The following QTGAL variants were observed in gnomAD, a reference collection of about 807,000 sequenced individuals.
QTGAL encodes BGnT-like protein 1.
At chr17:83,007,639 C>T in the QTGAL span, among the ~76,000 whole-genome samples, 2 of 152,148 alleles carry the variant, frequency 1.3e-5, no homozygotes, top group Non-Finnish European at 2.9e-5. Flanking sequence ...GCATGAGAGG[C>T]GCCTCTCGGA....
the QTGAL span, among the ~76,000 whole-genome samples, chr17:82,995,581 G>A: frequency 2.6e-5 from 4 of 152,010 alleles, no homozygotes; most frequent in South Asian, 2.1e-4. Flanking sequence ...ACGGGGTTTC[G>A]CTATGTTAAC....
the QTGAL span, among the ~76,000 whole-genome samples, chr17:82,992,688 T>C: frequency 4.6e-5 from 7 of 150,964 alleles, no homozygotes; most frequent in Non-Finnish European, 1.0e-4. Flanking sequence ...GCTGTAACTG[T>C]GGTGTGTAAA....
chr17:83,020,882 CAGAG>C, the QTGAL span, among the ~76,000 whole-genome samples: 11 of 152,136 alleles, frequency 7.2e-5, no homozygotes, highest in South Asian at 1.7e-3. Context: ...TTGGGGAAGA[CAGAG>C]AGAGAGATCA....
At chr17:82,956,795 C>G in the QTGAL span, 1 of 1,559,688 alleles carries the variant, frequency 6.4e-7, no homozygotes, top group Non-Finnish European at 8.7e-7. This position sits in a 1 kb window ranked among gnomAD's most constrained non-coding sequence, Gnocchi z 5.7. Flanking sequence ...GCCATCAGTC[C>G]TGCCCGAGCC....
chr17:83,040,202 T>G, the QTGAL span, among the ~76,000 whole-genome samples: 1 of 152,194 alleles, frequency 6.6e-6, no homozygotes, highest in Non-Finnish European at 1.5e-5. Flanking sequence ...AGGGTGAGAC[T>G]CAGGCACTGG....
the QTGAL span, among the ~76,000 whole-genome samples, chr17:82,963,615 G>T: frequency 6.6e-6 from 1 of 152,100 alleles, no homozygotes; most frequent in Non-Finnish European, 1.5e-5. Context: ...GATATGCGGG[G>T]AGGTGGCGGA....
the QTGAL span, among the ~76,000 whole-genome samples, chr17:82,975,784 G>A: frequency 2.8e-5 from 3 of 107,450 alleles, no homozygotes; most frequent in African/African-American, 5.1e-5. Context: ...CGAGGGCCCC[G>A]GGACAGAGCC....
At chr17:82,964,464 C>A in the QTGAL span, among the ~76,000 whole-genome samples, 2 of 152,110 alleles carry the variant, frequency 1.3e-5, no homozygotes, top group African/African-American at 4.8e-5. Context: ...ACACAAAAAA[C>A]AATAGACATA....
chr17:82,956,748 G>T, the QTGAL span: 5 of 1,586,832 alleles, frequency 3.2e-6, no homozygotes, highest in Non-Finnish European at 4.3e-6. This position sits in a 1 kb window ranked among gnomAD's most constrained non-coding sequence, Gnocchi z 5.7. Context: ...TGCAGGATGG[G>T]GATTCGGGGC....
At chr17:83,041,678 C>T in the QTGAL span, among the ~76,000 whole-genome samples, 1 of 152,192 alleles carries the variant, frequency 6.6e-6, no homozygotes, top group Non-Finnish European at 1.5e-5. Flanking sequence ...GCTTGGGGGC[C>T]TGGGAGCTGT....
chr17:83,018,119 A>G, the QTGAL span, among the ~76,000 whole-genome samples: 11 of 66,146 alleles, frequency 1.7e-4, no homozygotes, highest in East Asian at 8.0e-4. Flanking sequence ...CACGTGCTCC[A>G]CAAACACGGT....
At chr17:82,950,573 C>T in the QTGAL span, among the ~76,000 whole-genome samples, 1 of 152,302 alleles carries the variant, frequency 6.6e-6, no homozygotes, top group East Asian at 1.9e-4. Context: ...AACGGTTATT[C>T]AAAGGTTTTC....
chr17:83,043,698 T>C, the QTGAL span, among the ~76,000 whole-genome samples: 2 of 151,618 alleles, frequency 1.3e-5, no homozygotes, highest in African/African-American at 4.8e-5. Context: ...GACAAAACAA[T>C]AGCAAATCAA....
At chr17:83,011,089 G>C in the QTGAL span, among the ~76,000 whole-genome samples, 1 of 152,228 alleles carries the variant, frequency 6.6e-6, no homozygotes, top group Non-Finnish European at 1.5e-5. Flanking sequence ...GTCTAGAGGT[G>C]ACCAAGAATG....
chr17:83,028,147 A>T, the QTGAL span, among the ~76,000 whole-genome samples: 1 of 152,038 alleles, frequency 6.6e-6, no homozygotes, highest in Non-Finnish European at 1.5e-5. Context: ...CTCTGGTCCC[A>T]TGGCAGCCGG....
chr17:82,955,924 C>T, the QTGAL span, among the ~76,000 whole-genome samples: 1 of 151,220 alleles, frequency 6.6e-6, no homozygotes, highest in East Asian at 2.0e-4. Context: ...CGCATGTTCT[C>T]ACTCATAAGT....
chr17:83,011,114 C>T, the QTGAL span, among the ~76,000 whole-genome samples: 3 of 152,188 alleles, frequency 2.0e-5, no homozygotes, highest in African/African-American at 7.2e-5. Context: ...CTTTCCTCTC[C>T]GATGTCTCCT....
the QTGAL span, among the ~76,000 whole-genome samples, chr17:83,019,057 G>C: frequency 6.6e-6 from 1 of 152,178 alleles, no homozygotes; most frequent in Non-Finnish European, 1.5e-5. Flanking sequence ...CTGCCACCAG[G>C]AGACGCACGA....
the QTGAL span, chr17:82,957,179 A>C: frequency 6.2e-7 from 1 of 1,614,136 alleles, no homozygotes; most frequent in Non-Finnish European, 8.5e-7. Context: ...GGCCCTGCAC[A>C]CCTGAGAGTC....
Sources: allele counts gnomAD v4.1 joint callset (sites outside exome capture counted in the v4.1 genomes callset), GRCh38; gene constraint gnomAD v4.1.1; non-coding constraint Gnocchi (gnomAD v3.1); transcripts MANE v1.5; gene names NCBI Gene and HGNC (gene_info 2026-07-23, HGNC 2026-07-21).